The following CNTN6 variants were observed in gnomAD, a reference collection of about 807,000 sequenced individuals.
The protein encoded by CNTN6 is contactin-6.
Under a neutral mutation model 122.8 loss-of-function variants are expected in CNTN6, and 137 were observed. That is an observed-to-expected ratio of 1.12 (90% CI 0.97 to 1.29). CNTN6 has a LOEUF of 1.29. CNTN6 is among the 50% of genes most tolerant of loss of function. The pLI is 0.00. For missense variants in CNTN6, 1,634 were observed against 1,223.4 expected (o/e 1.34, Z -5.01); for synonymous variants, 570 against 426.0 (o/e 1.34, Z -4.16).
intron 2 of CNTN6, among the ~76,000 whole-genome samples, chr3:1,204,285 G>A (rs755629578): frequency 4.6e-5 from 7 of 152,134 alleles, no homozygotes; most frequent in African/African-American, 1.2e-4. Context: ...TTTACTCTGA[G>A]ACATTTTTAA....
At chr3:1,116,435 C>G (rs576074327) in intron 1 of CNTN6, among the ~76,000 whole-genome samples, 43 of 151,978 alleles carry the variant, frequency 2.8e-4, no homozygotes, top group Non-Finnish European at 4.9e-4. Flanking sequence ...ACAATAAAAG[C>G]AATGAAACTT....
At chr3:1,278,990 A>C (rs558154643) in intron 5 of CNTN6, among the ~76,000 whole-genome samples, 208 of 152,358 alleles carry the variant, frequency 1.4e-3, no homozygotes, top group African/African-American at 4.7e-3. Flanking sequence ...AAAGAAAGTT[A>C]AGATTGTTAC....
chr3:1,381,644 C>A (rs1391829195), intron 17 of CNTN6, among the ~76,000 whole-genome samples: 1 of 152,104 alleles, frequency 6.6e-6, no homozygotes, highest in Non-Finnish European at 1.5e-5. Flanking sequence ...TGCCTCAGTT[C>A]CTCCCATTTC....
intron 5 of CNTN6, among the ~76,000 whole-genome samples, chr3:1,280,861 T>C (rs1170974766): frequency 6.6e-6 from 1 of 152,172 alleles, no homozygotes; most frequent in Non-Finnish European, 1.5e-5. Context: ...CCTGTTTCCT[T>C]GATAACTGGC....
At chr3:1,161,787 C>A (rs1220289033) in intron 2 of CNTN6, among the ~76,000 whole-genome samples, 1 of 151,688 alleles carries the variant, frequency 6.6e-6, no homozygotes, top group Admixed American at 6.6e-5. Context: ...CACACACACA[C>A]ACACACACAC....
At chr3:1,279,211 G>C (rs1472822145) in intron 5 of CNTN6, among the ~76,000 whole-genome samples, 2 of 152,188 alleles carry the variant, frequency 1.3e-5, no homozygotes, top group Non-Finnish European at 2.9e-5. Flanking sequence ...CAGTGGACTG[G>C]CCCGTTGTCA....
intron 4 of CNTN6, among the ~76,000 whole-genome samples, chr3:1,258,702 C>T (rs895937228): frequency 5.9e-5 from 9 of 152,106 alleles, no homozygotes; most frequent in Admixed American, 4.6e-4. Context: ...TTCTTGGGGT[C>T]CCTGAAGACC....
chr3:1,123,600 T>C (rs9836736), intron 1 of CNTN6, among the ~76,000 whole-genome samples: 40,928 of 151,946 alleles, frequency 0.27, 7,831 homozygotes, highest in African/African-American at 0.54. Context: ...CTGAGATTTT[T>C]ATATGTAAGA....
intron 2 of CNTN6, among the ~76,000 whole-genome samples, chr3:1,197,906 CT>C (rs1266841745): frequency 1.3e-5 from 2 of 152,144 alleles, no homozygotes; most frequent in Non-Finnish European, 2.9e-5. Flanking sequence ...CCTATCCCCC[CT>C]AACTCATGCA....
intron 4 of CNTN6, among the ~76,000 whole-genome samples, chr3:1,248,852 A>C (rs144565750): frequency 0.015 from 2,252 of 151,184 alleles, 77 homozygotes; most frequent in African/African-American, 0.051. Context: ...GAGAAACTCC[A>C]TCTCAAAAAA....
At chr3:1,313,059 T>G (rs1213891737) in intron 7 of CNTN6, among the ~76,000 whole-genome samples, 2 of 152,052 alleles carry the variant, frequency 1.3e-5, no homozygotes, top group Non-Finnish European at 2.9e-5. Context: ...ATATGAAAAT[T>G]TATGATTCCA....
intron 5 of CNTN6, among the ~76,000 whole-genome samples, chr3:1,280,225 A>T (rs1211990002): frequency 1.3e-5 from 2 of 152,152 alleles, no homozygotes; most frequent in African/African-American, 2.4e-5. Context: ...ATGTAAAAAA[A>T]TTTAAAAAAT....
At chr3:1,290,331 A>C (rs61123573) in intron 5 of CNTN6, among the ~76,000 whole-genome samples, 18,752 of 152,204 alleles carry the variant, frequency 0.12, 2,579 homozygotes, top group African/African-American at 0.34. Context: ...GCAGGACAGG[A>C]AATGTTAATG....
At chr3:1,310,884 C>T (rs1699123668) in intron 7 of CNTN6, among the ~76,000 whole-genome samples, 2 of 151,876 alleles carry the variant, frequency 1.3e-5, no homozygotes, top group South Asian at 4.2e-4. Context: ...ACCTGTAATC[C>T]CAGCTACTCA....
At chr3:1,282,434 G>T (rs903693829) in intron 5 of CNTN6, among the ~76,000 whole-genome samples, 9 of 152,346 alleles carry the variant, frequency 5.9e-5, no homozygotes, top group Admixed American at 4.6e-4. Flanking sequence ...ATTTCAAAAT[G>T]TGGAAGCAGA....
chr3:1,365,224 A>G (rs755630895), intron 12 of CNTN6, among the ~76,000 whole-genome samples: 1 of 151,990 alleles, frequency 6.6e-6, no homozygotes, highest in Non-Finnish European at 1.5e-5. Context: ...TACTTCCACA[A>G]CTCCAATTAT....
At chr3:1,241,234 G>A (rs1487367289) in intron 4 of CNTN6, among the ~76,000 whole-genome samples, 1 of 152,106 alleles carries the variant, frequency 6.6e-6, no homozygotes. Flanking sequence ...TCAGAGGCCT[G>A]ACATTCCTGC....
At chr3:1,247,464 G>A (rs568776812) in intron 4 of CNTN6, among the ~76,000 whole-genome samples, 15 of 148,098 alleles carry the variant, frequency 1.0e-4, no homozygotes, top group Non-Finnish European at 1.8e-4. Flanking sequence ...AAAAAAAAAA[G>A]AGGCTTGAAT....
chr3:1,294,613 G>A (rs1242504370), intron 5 of CNTN6, among the ~76,000 whole-genome samples: 1 of 152,074 alleles, frequency 6.6e-6, no homozygotes, highest in Non-Finnish European at 1.5e-5. Flanking sequence ...TTCCAGAGAT[G>A]GACTGATTGA....
Sources: allele counts gnomAD v4.1 joint callset (sites outside exome capture counted in the v4.1 genomes callset), GRCh38; gene constraint gnomAD v4.1.1; transcripts MANE v1.5; gene names NCBI Gene and HGNC (gene_info 2026-07-23, HGNC 2026-07-21).